MYT1L: variants seen among roughly 807,000 people sequenced by gnomAD.
MYT1L encodes the protein myelin transcription factor 1 like.
Under a neutral mutation model 126.7 loss-of-function variants are expected in MYT1L, and 12 were observed. The observed-to-expected ratio is 0.09, with a 90% CI of 0.06 to 0.15. The LOEUF (loss-of-function observed/expected upper bound fraction) is 0.15, where lower values mean the gene tolerates loss of function less well. MYT1L is among the 10% of genes least tolerant of loss of function. The pLI is 1.00. For missense variants in MYT1L, 979 were observed against 1,585.2 expected (o/e 0.62, Z 6.49); for synonymous variants, 541 against 604.2 (o/e 0.90, Z 1.53).
At chr2:1,961,783 T>A (rs952750278) in intron 8 of MYT1L, among the ~76,000 whole-genome samples, 2 of 152,194 alleles carry the variant, frequency 1.3e-5, no homozygotes, top group Non-Finnish European at 2.9e-5. Flanking sequence ...AACACTGCAA[T>A]CAAGCAACTC....
intron 2 of MYT1L, among the ~76,000 whole-genome samples, chr2:2,276,733 A>G (rs1345259825): frequency 6.6e-6 from 1 of 152,076 alleles, no homozygotes; most frequent in Non-Finnish European, 1.5e-5. Flanking sequence ...CCCTCTCTGC[A>G]GGTGCATACA....
chr2:1,842,071 T>C (rs4073401), intron 19 of MYT1L: 74,896 of 152,172 alleles, frequency 0.49, 20,964 homozygotes, highest in African/African-American at 0.77. Context: ...CCTGCCATGC[T>C]ATTGGGTCTT....
At chr2:1,840,679 T>G in intron 20 of MYT1L, 81 bp downstream of exon 20, 2 of 1,000,874 alleles carry the variant, frequency 2.0e-6, no homozygotes, top group Non-Finnish European at 3.0e-6. Context: ...TTTTTCTTGT[T>G]GACATATACT....
intron 3 of MYT1L, among the ~76,000 whole-genome samples, chr2:2,084,003 G>A (rs2076108908): frequency 1.3e-5 from 2 of 151,212 alleles, no homozygotes; most frequent in South Asian, 4.2e-4. Flanking sequence ...ATGTGCTGAT[G>A]CCTTCCTATA....
chr2:2,018,295 G>A (rs1000498613), intron 4 of MYT1L, among the ~76,000 whole-genome samples: 3 of 152,306 alleles, frequency 2.0e-5, no homozygotes, highest in South Asian at 4.1e-4. Flanking sequence ...CATAGCAGAA[G>A]ATGAAGTTGG....
chr2:2,234,889 C>G (rs2094248756), intron 2 of MYT1L, among the ~76,000 whole-genome samples: 1 of 152,216 alleles, frequency 6.6e-6, no homozygotes, highest in Non-Finnish European at 1.5e-5. Context: ...TCACTGCACT[C>G]CCCCGATGCT....
At position 1,943,466 on chromosome 2, in the gene MYT1L, C is replaced by CAT; in HGVS notation, c.153-133_153-132insAT. ...TTATCATGAATGTCATCAGCACAAA[C>CAT]ACCAGAGAGACATAACATACATGTT... On this transcript the variant is annotated intron_variant, in intron 8 of 24. Transcript: ENST00000647738. This position sits in a 1 kb window ranked among gnomAD's most constrained non-coding sequence, Gnocchi z 4.4. 1 of 1,064,288 alleles carries CAT rather than the reference C, an allele frequency of 9.4e-7. No homozygotes were observed. The highest frequency in any genetic ancestry group is 1.3e-6 in the Non-Finnish European group (1 of 766,554). The allele number at this position is 1,064,288 out of a possible 1,614,324, so 65.9% of individuals were successfully genotyped here.
chr2:2,111,886 G>C (rs552398034), intron 3 of MYT1L, among the ~76,000 whole-genome samples: 2 of 152,226 alleles, frequency 1.3e-5, no homozygotes, highest in Non-Finnish European at 2.9e-5. Flanking sequence ...CATGGTGGGC[G>C]TTGCCCCCGG....
chr2:1,912,004 C>A lies in MYT1L; in HGVS notation c.1709+16G>T, dbSNP rs2052078095. On this transcript the variant is annotated intron_variant, in intron 12 of 24. Coordinates refer to ENST00000647738, the MANE Select transcript of MYT1L (RefSeq NM_001303052.2). The surrounding 1 kb of genome is among the most constrained non-coding windows in gnomAD (Gnocchi z 4.3). ...CCGGTGCTCCCTCCCACACCAGTGACCCACGCGTGGCTTACCTTCGGTGGG... is the reference window on the plus strand; with the variant it reads ...CCGGTGCTCCCTCCCACACCAGTGAACCACGCGTGGCTTACCTTCGGTGGG... The A allele has an allele frequency of 6.3e-7, 1 of 1,578,008 alleles. No homozygotes were observed. The highest frequency in any genetic ancestry group is 1.2e-5 in the South Asian group (1 of 85,930).
chr2:1,956,636 C>A (rs2058497289), intron 8 of MYT1L, among the ~76,000 whole-genome samples: 1 of 151,340 alleles, frequency 6.6e-6, no homozygotes, highest in African/African-American at 2.4e-5. Flanking sequence ...ACCTACCTAT[C>A]TAGCTATCTA....
At chr2:1,916,328 C>A (rs2052819385) in intron 11 of MYT1L, among the ~76,000 whole-genome samples, 1 of 152,152 alleles carries the variant, frequency 6.6e-6, no homozygotes, top group Non-Finnish European at 1.5e-5. Context: ...AACTGGTCAT[C>A]TTGTCATCTC....
chr2:1,842,966 C>T (rs1035837491), intron 19 of MYT1L: 3 of 93,706 alleles, frequency 3.2e-5, no homozygotes, highest in Non-Finnish European at 6.2e-5. Context: ...TCCAGGCGCG[C>T]GGTGCTAGTA....
chr2:1,870,111 T>A (rs2046093236), intron 18 of MYT1L, among the ~76,000 whole-genome samples: 1 of 152,192 alleles, frequency 6.6e-6, no homozygotes, highest in South Asian at 2.1e-4. Context: ...TGATGGTGAC[T>A]CATGAAGATG....
At chr2:1,883,883 T>G (rs2047875374) in intron 18 of MYT1L, 1 of 152,224 alleles carries the variant, frequency 6.6e-6, no homozygotes, top group African/African-American at 2.4e-5. Context: ...GGAGTAAGAT[T>G]CAGGTGCACG....
intron 4 of MYT1L, among the ~76,000 whole-genome samples, chr2:2,008,172 A>G (rs2063504347): frequency 6.6e-6 from 1 of 152,166 alleles, no homozygotes; most frequent in African/African-American, 2.4e-5. Flanking sequence ...ACACCCTGTG[A>G]TTGTATCCTA....
intron 2 of MYT1L, among the ~76,000 whole-genome samples, chr2:2,180,597 C>T (rs1053152189): frequency 1.4e-4 from 21 of 145,042 alleles, no homozygotes; most frequent in Non-Finnish European, 2.4e-4. Flanking sequence ...TATGTGTGTA[C>T]CTGTGTGTGT....
rs547818219 is a variant in MYT1L at position 1,919,432 on chromosome 2, G to A, written c.1484-2093C>T. Among the ~76,000 whole-genome samples, 29 of 152,274 alleles carry A rather than the reference G, an allele frequency of 1.9e-4. 1 individual carries two copies. Among genetic ancestry groups the A allele is most frequent in the Middle Eastern group, 3.4e-3 (1 of 294 alleles). On this transcript the variant is annotated intron_variant, in intron 10 of 24. Coordinates refer to ENST00000647738, the MANE Select transcript of MYT1L (RefSeq NM_001303052.2). Reference sequence around the variant, plus strand: ...AACAACTTACAGAAAAAAAAAGTGCGCTGTTTAGCTTGCTCCCTTCCCTCT... The same window carrying A: ...AACAACTTACAGAAAAAAAAAGTGCACTGTTTAGCTTGCTCCCTTCCCTCT...
chr2:2,124,228 A>C (rs1178924641), intron 3 of MYT1L, among the ~76,000 whole-genome samples: 1 of 152,220 alleles, frequency 6.6e-6, no homozygotes. Flanking sequence ...TGTGTCTTAC[A>C]CACAATTTGA....
intron 2 of MYT1L, among the ~76,000 whole-genome samples, chr2:2,243,874 C>T (rs2094482832): frequency 1.3e-5 from 2 of 152,154 alleles, no homozygotes; most frequent in Admixed American, 1.3e-4. Flanking sequence ...TGGAAAGAGG[C>T]TCACATCACT....
Sources: gnomAD v4.1 joint callset for allele counts (sites outside exome capture counted in the v4.1 genomes callset) on GRCh38, gnomAD v4.1.1 for gene constraint, Gnocchi (gnomAD v3.1) non-coding constraint, MANE v1.5 for transcripts, NCBI Gene and HGNC (gene_info 2026-07-23, HGNC 2026-07-21) for gene names.